Variants in PARD3B observed in about 807,000 individuals in gnomAD.
PARD3B encodes partitioning defective 3 homolog B.
A neutral mutation model predicts 130.2 loss-of-function variants in PARD3B; 103 were observed. That is an observed-to-expected ratio of 0.79 (90% CI 0.67 to 0.93). PARD3B has a LOEUF of 0.93. Among genes scored for constraint, PARD3B ranks in the 40% least tolerant of loss-of-function variants. The probability of loss-of-function intolerance (pLI) is 0.00; values close to 1 mark genes in which losing one functional copy is unlikely to be tolerated. For missense variants in PARD3B, 1,609 were observed against 1,499.2 expected (o/e 1.07, Z -1.21); for synonymous variants, 583 against 553.2 (o/e 1.05, Z -0.76).
chr2:205,582,007 A>G (rs2054008380), intron 22 of PARD3B, among the ~76,000 whole-genome samples: 1 of 152,172 alleles, frequency 6.6e-6, no homozygotes, highest in African/African-American at 2.4e-5. Context: ...CTAGATGAGG[A>G]GTCATGCATT....
intron 4 of PARD3B, chr2:205,103,717 G>A (rs1702993031): frequency 1.0e-6 from 1 of 985,268 alleles, no homozygotes; most frequent in African/African-American, 1.7e-5. Context: ...CTGTAAGGAA[G>A]CAGCAGCATC....
rs376129358 is a variant in PARD3B at position 204,675,533 on chromosome 2, A to T, written c.121-10648A>T. Among the ~76,000 whole-genome samples the T allele has an allele frequency of 9.5e-4, 145 of 152,234 alleles. No homozygotes were observed. Among genetic ancestry groups the T allele is most frequent in the African/African-American group, 3.3e-3 (138 of 41,568 alleles). ...GTCAGTGTCTTGAGATGATGTAGACAGTACATTTGGAAATAATTAAAATTT... is the reference window on the plus strand; with the variant it reads ...GTCAGTGTCTTGAGATGATGTAGACTGTACATTTGGAAATAATTAAAATTT... On this transcript the variant is annotated intron_variant, in intron 1 of 22. Transcript: ENST00000406610. The surrounding 1 kb of genome is among the most constrained non-coding windows in gnomAD (Gnocchi z 4.4).
intron 6 of PARD3B, among the ~76,000 whole-genome samples, chr2:205,114,753 C>CT (rs5837954): frequency 1.4e-5 from 2 of 144,532 alleles, no homozygotes; most frequent in African/African-American, 5.0e-5. Flanking sequence ...AAGTCATCAC[C>CT]TTTTTTTTTT....
At chr2:205,169,608 G>A (rs541957810) in intron 11 of PARD3B, among the ~76,000 whole-genome samples, 2 of 152,168 alleles carry the variant, frequency 1.3e-5, no homozygotes, top group East Asian at 3.9e-4. Context: ...TTCCCATAAA[G>A]CTTCCATCTT....
chr2:205,071,062 G>A (rs1026998040), intron 4 of PARD3B, among the ~76,000 whole-genome samples: 1 of 151,636 alleles, frequency 6.6e-6, no homozygotes, highest in Non-Finnish European at 1.5e-5. Flanking sequence ...TTTGTTTCTT[G>A]GAAGTGTCAA....
chr2:205,080,941 G>T (rs1701369130), intron 4 of PARD3B, among the ~76,000 whole-genome samples: 6 of 151,928 alleles, frequency 3.9e-5, no homozygotes, highest in Admixed American at 2.6e-4. Context: ...ATATAGATAG[G>T]TCTCTTGCCC....
intron 16 of PARD3B, among the ~76,000 whole-genome samples, chr2:205,256,715 C>G (rs1037423137): frequency 6.6e-6 from 1 of 152,020 alleles, no homozygotes; most frequent in Admixed American, 6.6e-5. Flanking sequence ...ATGGAAAGAT[C>G]TAGCATGGGG....
At chr2:204,889,510 A>C (rs1012734837) in intron 2 of PARD3B, among the ~76,000 whole-genome samples, 1 of 152,160 alleles carries the variant, frequency 6.6e-6, no homozygotes, top group Non-Finnish European at 1.5e-5. Context: ...ACAATAAACC[A>C]AACAAAGTAG....
At chr2:205,054,428 ATATATATAT>A (rs1403740142) in intron 4 of PARD3B, among the ~76,000 whole-genome samples, 4 of 31,832 alleles carry the variant, frequency 1.3e-4, no homozygotes, top group African/African-American at 2.8e-4. Flanking sequence ...ATATATATAT[ATATATATAT>A]TTTTTTTTTT....
At chr2:205,607,844 A>C (rs1310146020) in intron 22 of PARD3B, among the ~76,000 whole-genome samples, 4 of 148,526 alleles carry the variant, frequency 2.7e-5, no homozygotes, top group Admixed American at 6.7e-5. Flanking sequence ...ACACACACAC[A>C]CACACACACA....
intron 18 of PARD3B, among the ~76,000 whole-genome samples, chr2:205,387,111 A>G (rs1260527628): frequency 2.0e-5 from 3 of 152,226 alleles, no homozygotes; most frequent in Non-Finnish European, 4.4e-5. Flanking sequence ...TTATAAATAC[A>G]TAGACCATAG....
chr2:204,700,976 T>G (rs1479522721), intron 2 of PARD3B, among the ~76,000 whole-genome samples: 1 of 152,066 alleles, frequency 6.6e-6, no homozygotes, highest in South Asian at 2.1e-4. Context: ...TGCAATCACA[T>G]CAAGCAGGAG....
intron 18 of PARD3B, among the ~76,000 whole-genome samples, chr2:205,367,981 T>A (rs140910265): frequency 4.6e-5 from 7 of 152,374 alleles, no homozygotes; most frequent in African/African-American, 1.7e-4. Flanking sequence ...TCACTCACTG[T>A]GGTATTTATT....
chr2:205,316,198 TGAGCTGCATTGG>T (rs1286717757), intron 18 of PARD3B, among the ~76,000 whole-genome samples: 1 of 152,058 alleles, frequency 6.6e-6, no homozygotes, highest in African/African-American at 2.4e-5. Context: ...AGAAAGAGGG[TGAGCTGCATTGG>T]GAGTTAATTA....
chr2:205,175,566 C>T (rs2035420847), intron 12 of PARD3B, among the ~76,000 whole-genome samples: 1 of 152,194 alleles, frequency 6.6e-6, no homozygotes, highest in East Asian at 1.9e-4. Context: ...CAGAAGAGCT[C>T]TGGGAATCAG....
At chr2:204,835,416 G>A (rs1036623270) in intron 2 of PARD3B, among the ~76,000 whole-genome samples, 1 of 152,004 alleles carries the variant, frequency 6.6e-6, no homozygotes, top group Non-Finnish European at 1.5e-5. Flanking sequence ...TCTATCTGAC[G>A]TTCCATTTCT....
chr2:204,663,402 C>A (rs1374052351), intron 1 of PARD3B, among the ~76,000 whole-genome samples: 3 of 152,238 alleles, frequency 2.0e-5, no homozygotes, highest in Non-Finnish European at 2.9e-5. Context: ...GCTGAACTTA[C>A]AATCATATTG....
chr2:205,115,355 C>T (rs76794774), intron 6 of PARD3B, among the ~76,000 whole-genome samples: 11 of 152,212 alleles, frequency 7.2e-5, no homozygotes, highest in Middle Eastern at 3.4e-3. Context: ...GTCCCCTAAA[C>T]TTGCCCCTTT....
chr2:204,958,452 G>A (rs1690461287), intron 2 of PARD3B, among the ~76,000 whole-genome samples: 2 of 152,184 alleles, frequency 1.3e-5, no homozygotes, highest in African/African-American at 4.8e-5. Flanking sequence ...TTGTCTAAGG[G>A]TTGTGTGTTC....
Sources: allele counts gnomAD v4.1 joint callset (sites outside exome capture counted in the v4.1 genomes callset), GRCh38; gene constraint gnomAD v4.1.1; non-coding constraint Gnocchi (gnomAD v3.1); transcripts MANE v1.5; gene names NCBI Gene and HGNC (gene_info 2026-07-23, HGNC 2026-07-21).